CAMKMT: variants seen among roughly 807,000 people sequenced by gnomAD.
The protein encoded by CAMKMT is calmodulin-lysine N-methyltransferase, also known as CaM KMT.
In CAMKMT, 53 loss-of-function variants were observed where a neutral mutation model predicts 48.0. The observed-to-expected ratio is 1.10, with a 90% CI of 0.89 to 1.39. CAMKMT has a LOEUF of 1.39. Ranked by LOEUF, CAMKMT falls within the 40% of genes most tolerant of loss-of-function variation. The pLI is 0.00. For synonymous variants in CAMKMT, 165 were observed against 152.3 expected (o/e 1.08, Z -0.61); for missense variants, 428 against 402.7 (o/e 1.06, Z -0.54).
At chr2:44,424,319 C>G (rs1469969845) in intron 3 of CAMKMT, among the ~76,000 whole-genome samples, 2 of 152,036 alleles carry the variant, frequency 1.3e-5, no homozygotes, top group African/African-American at 4.8e-5. Flanking sequence ...GGTAGACGCT[C>G]ATCTCAAGGT....
intron 7 of CAMKMT, among the ~76,000 whole-genome samples, chr2:44,734,473 G>A (rs1431670046): frequency 6.6e-6 from 1 of 151,826 alleles, no homozygotes; most frequent in Non-Finnish European, 1.5e-5. Flanking sequence ...GGAGTGCAAT[G>A]GTGCAATCTC....
chr2:44,593,017 A>G (rs1223541888), intron 3 of CAMKMT, among the ~76,000 whole-genome samples: 4 of 152,222 alleles, frequency 2.6e-5, no homozygotes, highest in Admixed American at 6.5e-5. Flanking sequence ...ATCTCTGACT[A>G]TAATGATAAG....
chr2:44,402,898 G>A (rs1410215549), intron 3 of CAMKMT, among the ~76,000 whole-genome samples: 3 of 142,876 alleles, frequency 2.1e-5, no homozygotes, highest in African/African-American at 7.7e-5. Flanking sequence ...TGCCTTTCTT[G>A]CTTTTTTTGA....
At chr2:44,757,809 CT>C (rs1463812932) in intron 9 of CAMKMT, among the ~76,000 whole-genome samples, 4 of 152,110 alleles carry the variant, frequency 2.6e-5, no homozygotes, top group African/African-American at 9.7e-5. Context: ...TGATCCACCC[CT>C]GCCCCGACCC....
chr2:44,441,862 T>C (rs1340012892), intron 3 of CAMKMT, among the ~76,000 whole-genome samples: 1 of 152,220 alleles, frequency 6.6e-6, no homozygotes, highest in Non-Finnish European at 1.5e-5. Context: ...TGAAATAATA[T>C]AATGGCAAGG....
chr2:44,752,865 T>A (rs1273848848), intron 8 of CAMKMT, among the ~76,000 whole-genome samples: 2 of 152,162 alleles, frequency 1.3e-5, no homozygotes, highest in African/African-American at 2.4e-5. Flanking sequence ...CTCCAACACA[T>A]GAATTTGGGG....
intron 3 of CAMKMT, among the ~76,000 whole-genome samples, chr2:44,606,658 A>G (rs2103878561): frequency 6.6e-6 from 1 of 152,290 alleles, no homozygotes; most frequent in East Asian, 1.9e-4. Flanking sequence ...TGTTTTTATC[A>G]TGTTCTTACC....
intron 3 of CAMKMT, among the ~76,000 whole-genome samples, chr2:44,656,341 A>G (rs948169432): frequency 1.3e-5 from 2 of 152,168 alleles, no homozygotes; most frequent in African/African-American, 4.8e-5. Flanking sequence ...ACTTTTCTCA[A>G]AAGGAATTTT....
At chr2:44,463,932 G>T (rs1667976253) in intron 3 of CAMKMT, among the ~76,000 whole-genome samples, 1 of 151,946 alleles carries the variant, frequency 6.6e-6, no homozygotes, top group Non-Finnish European at 1.5e-5. Flanking sequence ...AAATAACAAG[G>T]CACACAAAGA....
At chr2:44,649,155 G>A (rs758545307) in intron 3 of CAMKMT, among the ~76,000 whole-genome samples, 16 of 152,082 alleles carry the variant, frequency 1.1e-4, no homozygotes, top group Non-Finnish European at 1.8e-4. Flanking sequence ...TCCCTTCAGT[G>A]AGGGGGGGAA....
chr2:44,763,320 C>T (rs935668045), intron 9 of CAMKMT, among the ~76,000 whole-genome samples: 3 of 152,194 alleles, frequency 2.0e-5, no homozygotes, highest in African/African-American at 4.8e-5. Flanking sequence ...CTCTCTAAAA[C>T]CCCATCATAG....
intron 2 of CAMKMT, among the ~76,000 whole-genome samples, chr2:44,383,082 A>C (rs1045322991): frequency 6.6e-6 from 1 of 150,404 alleles, no homozygotes; most frequent in South Asian, 2.1e-4. Context: ...TTCGGAGGCC[A>C]TTCCTCTGTG....
chr2:44,514,885 C>G (rs143174680), intron 3 of CAMKMT, among the ~76,000 whole-genome samples: 1 of 152,182 alleles, frequency 6.6e-6, no homozygotes, highest in Admixed American at 6.5e-5. Flanking sequence ...ATGATGGATA[C>G]TCATAAATCA....
At chr2:44,550,121 T>G (rs1350806965) in intron 3 of CAMKMT, among the ~76,000 whole-genome samples, 1 of 152,156 alleles carries the variant, frequency 6.6e-6, no homozygotes, top group Non-Finnish European at 1.5e-5. Context: ...TGACAGCCAC[T>G]GGGCGTGGTG....
chr2:44,681,198 G>A (rs1342605107), intron 3 of CAMKMT, among the ~76,000 whole-genome samples: 1 of 152,172 alleles, frequency 6.6e-6, no homozygotes, highest in Non-Finnish European at 1.5e-5. Flanking sequence ...TTTATAAAGA[G>A]AATCAAATTC....
At chr2:44,363,594 G>A (rs1243865442) in intron 1 of CAMKMT, among the ~76,000 whole-genome samples, 1 of 150,932 alleles carries the variant, frequency 6.6e-6, no homozygotes, top group Non-Finnish European at 1.5e-5. Flanking sequence ...TTGTCAAGCT[G>A]GTCTCGAACT....
intron 6 of CAMKMT, among the ~76,000 whole-genome samples, chr2:44,710,107 TA>T (rs768016198): frequency 0.023 from 3,379 of 148,000 alleles, 63 homozygotes; most frequent in Non-Finnish European, 0.032. Flanking sequence ...TACCTTTTTT[TA>T]AAAAAAAAAA....
intron 3 of CAMKMT, among the ~76,000 whole-genome samples, chr2:44,431,916 T>G (rs1684674129): frequency 6.6e-6 from 1 of 152,198 alleles, no homozygotes; most frequent in African/African-American, 2.4e-5. Context: ...TTCCTGGAAA[T>G]GAGCTGTTAA....
At chr2:44,689,264 T>TTTTATTTATTTATTTATTTA (rs148599125) in intron 3 of CAMKMT, among the ~76,000 whole-genome samples, 21 of 136,254 alleles carry the variant, frequency 1.5e-4, no homozygotes, top group South Asian at 2.5e-4. Context: ...CAGCACTATT[T>TTTTATTTATTTATTTATTTA]TTTATTTATT....
Sources: allele counts gnomAD v4.1 joint callset (sites outside exome capture counted in the v4.1 genomes callset), GRCh38; gene constraint gnomAD v4.1.1; transcripts MANE v1.5; gene names NCBI Gene and HGNC (gene_info 2026-07-23, HGNC 2026-07-21).